The following CCDC9 variants were observed in gnomAD, a reference collection of about 807,000 sequenced individuals.
CCDC9 encodes the protein coiled-coil domain containing 9.
Under a neutral mutation model 65.6 loss-of-function variants are expected in CCDC9, and 52 were observed. The ratio of observed to expected loss-of-function variants is 0.79; its 90% CI spans 0.63 to 1.00. The LOEUF (loss-of-function observed/expected upper bound fraction) is 1.00, where lower values mean the gene tolerates loss of function less well. CCDC9 is among the 50% of genes least tolerant of loss of function. The pLI is 0.00. For synonymous variants in CCDC9, 332 were observed against 280.3 expected, an observed-to-expected ratio of 1.18 and a Z score of -1.84; for missense variants, 834 against 757.2, an observed-to-expected ratio of 1.10 and a Z score of -1.19.
chr19:47,262,560 TTGTC>T (rs1193056635), intron 5 of CCDC9, among the ~76,000 whole-genome samples: 6 of 152,206 alleles, frequency 3.9e-5, no homozygotes, highest in East Asian at 1.9e-4. Context: ...GTCCTGGTCA[TTGTC>T]TGTGGTAACA....
intron 5 of CCDC9, 29 bp from the exon 6 acceptor site, chr19:47,264,574 G>C: frequency 1.9e-6 from 3 of 1,561,332 alleles, no homozygotes; most frequent in Non-Finnish European, 2.6e-6. Context: ...TCTCCCTGAA[G>C]CTGGGTGTCC....
chr19:47,267,655 C>A (rs902291819), intron 8 of CCDC9, among the ~76,000 whole-genome samples: 3 of 152,190 alleles, frequency 2.0e-5, no homozygotes, highest in African/African-American at 7.2e-5. Context: ...CCCCGCCTCA[C>A]TGGGGCGGGG....
At chr19:47,265,354 C>T (rs933240159) in intron 7 of CCDC9, among the ~76,000 whole-genome samples, 1 of 152,096 alleles carries the variant, frequency 6.6e-6, no homozygotes, top group African/African-American at 2.4e-5. Flanking sequence ...TGTGCTTGCC[C>T]AGGATTTTAA....
At chr19:47,260,101 C>T (rs1307030770) in intron 3 of CCDC9, among the ~76,000 whole-genome samples, 1 of 152,140 alleles carries the variant, frequency 6.6e-6, no homozygotes, top group African/African-American at 2.4e-5. Context: ...CCACGGGTCC[C>T]ACAGGCTGTG....
intron 5 of CCDC9, among the ~76,000 whole-genome samples, chr19:47,261,210 T>C (rs1030330610): frequency 2.0e-5 from 3 of 152,100 alleles, no homozygotes; most frequent in African/African-American, 7.2e-5. Flanking sequence ...TGGTGCATGC[T>C]TGCCCACTCA....
rs747040055 is a variant in CCDC9, at chr19:47,271,223, G to T, written c.1191+36G>T. 1.4e-5 allele frequency: 22 copies of T among 1,607,638 alleles called. No homozygotes were observed. In the South Asian group the frequency reaches 2.1e-4, roughly 15 times the overall value. On this transcript the variant is annotated intron_variant, in intron 11 of 11. Transcript: ENST00000221922. ...GCTGTGGTTCAGGGCACGGGCCTGGGGTGGGGGCTCAGGACCTGTGCCTTG... is the reference window on the plus strand; with the variant it reads ...GCTGTGGTTCAGGGCACGGGCCTGGTGTGGGGGCTCAGGACCTGTGCCTTG...
chr19:47,266,569 G>A (rs773430275), intron 7 of CCDC9, 42 bp from the exon 8 acceptor site: 19 of 1,465,022 alleles, frequency 1.3e-5, no homozygotes, highest in Non-Finnish European at 1.7e-5. Flanking sequence ...GGCGGGGTAG[G>A]GTGCGGGACA....
rs376220544 is a variant in CCDC9, at chr19:47,270,640, G to T, written c.1037G>T (p.Arg346Met). 9 of 1,612,738 alleles carry T rather than the reference G, an allele frequency of 5.6e-6. No homozygotes were observed. The African/African-American group carries it at 8.0e-5, about 14-fold the overall frequency. The change falls in exon 10 of 12, where the codon AGG becomes ATG. Residue 346 changes from arginine to methionine, a missense_variant. Coordinates refer to ENST00000221922, the MANE Select transcript of CCDC9 (RefSeq NM_015603.3). ...QHKAEASSRR[R>M]RKSSRPQAKA... ...AAAGCTGAGGCCAGCAGCCGCAGAA[G>T]GAGAAAGAGCAGTCGGCCCCAGGCC... is the stretch of plus-strand genomic sequence containing the variant.
chr19:47,273,732 C>G, downstream of CCDC9: 1 of 357,156 alleles, frequency 2.8e-6, no homozygotes, highest in Non-Finnish European at 5.0e-6. Flanking sequence ...CCGAATCTCC[C>G]GCCTCCAGGA....
At chr19:47,260,991 C>T (rs1568636600) in intron 5 of CCDC9, 152 bp downstream of exon 5, 3 of 869,664 alleles carry the variant, frequency 3.4e-6, no homozygotes, top group African/African-American at 1.8e-5. Context: ...TCTCTTCCTC[C>T]ACCTCCTTCT....
At chr19:47,275,091 ACGCGGTCTCC>A, downstream of CCDC9, 1 of 1,494,604 alleles carries the variant, frequency 6.7e-7, no homozygotes, top group Non-Finnish European at 8.9e-7. Context: ...CTGGGTACCC[ACGCGGTCTCC>A]CGCGGCACCC....
chr19:47,271,766 G>T lies in CCDC9; in HGVS notation c.*88G>T. On this transcript the variant is annotated 3_prime_UTR_variant, in exon 12 of 12. Coordinates refer to ENST00000221922, the MANE Select transcript of CCDC9 (RefSeq NM_015603.3). ...GCGCGCGCGCGCGCGCGCGCTAGAG[G>T]GGTGTGGCTGGTGGGGGACCCTTGG... 3 of 1,462,394 alleles carry T rather than the reference G, an allele frequency of 2.1e-6. No homozygotes were observed. The highest frequency in any genetic ancestry group is 1.4e-5 in the African/African-American group (1 of 70,614). The allele number at this position is 1,462,394 out of a possible 1,614,324, so 90.6% of individuals were successfully genotyped here.
intron 8 of CCDC9, 116 bp from the exon 9 acceptor site, chr19:47,270,289 CCT>C: frequency 5.2e-6 from 5 of 954,410 alleles, no homozygotes; most frequent in East Asian, 2.6e-5. Flanking sequence ...TCTAGTGTCC[CCT>C]GTCTGGTTGA....
chr19:47,264,863 C>T lies in CCDC9; in HGVS notation c.637C>T (p.Arg213Trp), dbSNP rs377072160. 5.6e-5 allele frequency: 84 copies of T among 1,497,758 alleles called. No individual in the cohort carries two copies. The highest frequency in any genetic ancestry group is 2.8e-4 in the African/African-American group (20 of 71,780). 92.8% of individuals were successfully genotyped at this position (1,497,758 alleles called of 1,614,324 possible). A position where few individuals can be genotyped will look rare whatever the true frequency, so the allele number is the denominator to read the frequency against. Residue 213 changes from arginine (R) to tryptophan (W), a missense_variant, in exon 7 of 12, where the codon CGG (arginine) becomes TGG (tryptophan). Coordinates refer to ENST00000221922, the MANE Select transcript of CCDC9 (RefSeq NM_015603.3). ...GPLEESERDR[R>W]EESRRHGRNW... ...CCTGGAGGAGTCTGAGCGGGACCGC[C>T]GGGAGGAGAGCCGCCGGCACGGCCG...
At chr19:47,273,225 C>T (rs911347995), downstream of CCDC9, 5 of 461,226 alleles carry the variant, frequency 1.1e-5, no homozygotes, top group Non-Finnish European at 1.4e-5. Flanking sequence ...CCGTAAACCG[C>T]TTAGCGCCGA....
At position 47,271,603 on chromosome 19, in the gene CCDC9, G is replaced by A; in HGVS notation, c.1521G>A (p.Glu507=). Residue 507 remains glutamate (E), a synonymous_variant, in exon 12 of 12, where the codon GAG becomes GAA. Transcript: ENST00000221922. ...TGTCCGATTGGGGTGAAGAGGTGGA[G>A]CTGAATTCTCCCCGGACCACTCACC... is the stretch of plus-strand genomic sequence containing the variant. ...QPVSDWGEEV[E]LNSPRTTHLA... is the part of the protein sequence containing the mutation. 6.2e-7 allele frequency: 1 copy of A among 1,612,586 alleles called. No homozygotes were observed. Among genetic ancestry groups the A allele is most frequent in the Non-Finnish European group, 8.5e-7 (1 of 1,179,566 alleles).
chr19:47,265,253 C>T (rs1318124919), intron 7 of CCDC9, among the ~76,000 whole-genome samples: 1 of 152,104 alleles, frequency 6.6e-6, no homozygotes, highest in African/African-American at 2.4e-5. Flanking sequence ...CGGGGTTTCA[C>T]CATGTTGGCC....
At chr19:47,275,342 C>T (rs1305531839), downstream of CCDC9, 6 of 1,542,724 alleles carry the variant, frequency 3.9e-6, no homozygotes, top group African/African-American at 4.2e-5. Flanking sequence ...GGCGAAGACC[C>T]GGGTAACTCT....
intron 5 of CCDC9, among the ~76,000 whole-genome samples, chr19:47,264,159 G>T (rs186034225): frequency 6.6e-6 from 1 of 152,328 alleles, no homozygotes; most frequent in East Asian, 1.9e-4. Flanking sequence ...GGGATTACAG[G>T]CGTGAGCCAC....
Sources: gnomAD v4.1 joint callset for allele counts (sites outside exome capture counted in the v4.1 genomes callset) on GRCh38, gnomAD v4.1.1 for gene constraint, MANE v1.5 for transcripts, NCBI Gene and HGNC (gene_info 2026-07-23, HGNC 2026-07-21) for gene names.